NRXN3: variants seen among roughly 807,000 people sequenced by gnomAD.
NRXN3 encodes the protein neurexin 3.
Under a neutral mutation model 137.6 loss-of-function variants are expected in NRXN3, and 32 were observed. The ratio of observed to expected loss-of-function variants is 0.23; its 90% CI spans 0.18 to 0.31. The LOEUF (loss-of-function observed/expected upper bound fraction) is 0.31, where lower values mean the gene tolerates loss of function less well. Ranked by LOEUF, NRXN3 falls within the 10% of genes least tolerant of loss-of-function variation. The probability of loss-of-function intolerance (pLI) is 1.00; values close to 1 mark genes in which losing one functional copy is unlikely to be tolerated. For missense variants in NRXN3, 1,574 were observed against 2,062.5 expected, an observed-to-expected ratio of 0.76 and a Z score of 4.59; for synonymous variants, 798 against 784.5, an observed-to-expected ratio of 1.02 and a Z score of -0.29.
intron 4 of NRXN3, among the ~76,000 whole-genome samples, chr14:78,533,282 C>T (rs940263871): frequency 1.1e-4 from 17 of 151,952 alleles, no homozygotes; most frequent in Middle Eastern, 3.4e-3. Context: ...GACAGGGTTT[C>T]GCCACATTGG....
intron 15 of NRXN3, among the ~76,000 whole-genome samples, chr14:79,055,084 C>T (rs1207588838): frequency 7.2e-5 from 11 of 152,272 alleles, no homozygotes; most frequent in African/African-American, 2.4e-4. Flanking sequence ...TTACTCTGGG[C>T]TCCTTCTGTT....
At chr14:78,317,355 C>T (rs1473371944) in intron 4 of NRXN3, among the ~76,000 whole-genome samples, 5 of 152,162 alleles carry the variant, frequency 3.3e-5, no homozygotes, top group Admixed American at 1.3e-4. Flanking sequence ...CGCCTAAGTT[C>T]CGCCTCCTGT....
At chr14:78,629,036 T>C (rs2097494949) in intron 4 of NRXN3, among the ~76,000 whole-genome samples, 1 of 152,180 alleles carries the variant, frequency 6.6e-6, no homozygotes, top group African/African-American at 2.4e-5. Flanking sequence ...AAATAGGTTG[T>C]TGTGAAGATT....
chr14:79,205,377 C>T (rs2066643968), intron 15 of NRXN3, among the ~76,000 whole-genome samples: 1 of 152,108 alleles, frequency 6.6e-6, no homozygotes, highest in South Asian at 2.1e-4. Context: ...ACAACAGATA[C>T]ACCAGCAAAG....
At chr14:78,363,356 C>T (rs1276236462) in intron 4 of NRXN3, among the ~76,000 whole-genome samples, 1 of 152,108 alleles carries the variant, frequency 6.6e-6, no homozygotes, top group African/African-American at 2.4e-5. Context: ...ATGGGCTAAG[C>T]AAGGGCAAAA....
intron 1 of NRXN3, among the ~76,000 whole-genome samples, chr14:78,229,819 C>A (rs2065143204): frequency 6.6e-6 from 1 of 152,096 alleles, no homozygotes; most frequent in South Asian, 2.1e-4. Context: ...TTTATGTCTT[C>A]CTACAGGACA....
chr14:79,412,322 G>C (rs1267797727), intron 15 of NRXN3, among the ~76,000 whole-genome samples: 1 of 152,106 alleles, frequency 6.6e-6, no homozygotes, highest in Non-Finnish European at 1.5e-5. Context: ...TGGATTAGTG[G>C]GGGCCCTTTC....
chr14:78,493,846 A>G (rs11851333), intron 4 of NRXN3, among the ~76,000 whole-genome samples: 80,064 of 152,100 alleles, frequency 0.53, 21,461 homozygotes, highest in Middle Eastern at 0.71. Context: ...GCTAATATAA[A>G]ACAAAACCTA....
intron 15 of NRXN3, among the ~76,000 whole-genome samples, chr14:79,396,874 C>T (rs529390386): frequency 8.5e-5 from 13 of 152,146 alleles, no homozygotes; most frequent in South Asian, 2.1e-4. Flanking sequence ...CACTTTCATA[C>T]GACTATCCCT....
At chr14:78,934,736 C>A (rs551932100) in intron 10 of NRXN3, among the ~76,000 whole-genome samples, 66 of 151,916 alleles carry the variant, frequency 4.3e-4, no homozygotes, top group Non-Finnish European at 8.1e-4. Context: ...TGCATGTTCT[C>A]ACTCATAGGT....
At chr14:78,289,468 T>G (rs961563025) in intron 3 of NRXN3, among the ~76,000 whole-genome samples, 1 of 152,126 alleles carries the variant, frequency 6.6e-6, no homozygotes, top group South Asian at 2.1e-4. Flanking sequence ...AATCTTAGAG[T>G]TGGGAGGACT....
chr14:79,695,616 G>A (rs888179274), intron 18 of NRXN3, among the ~76,000 whole-genome samples: 4 of 141,450 alleles, frequency 2.8e-5, no homozygotes, highest in Non-Finnish European at 6.1e-5. Flanking sequence ...CATGTCTTTT[G>A]TAGTAAGCTC....
intron 19 of NRXN3, among the ~76,000 whole-genome samples, chr14:79,790,825 T>TG (rs977389454): frequency 6.6e-6 from 1 of 152,032 alleles, no homozygotes; most frequent in Non-Finnish European, 1.5e-5. Context: ...TTCACCATCT[T>TG]GGCCAGGTGG....
intron 10 of NRXN3, among the ~76,000 whole-genome samples, chr14:78,816,291 G>A (rs1162988679): frequency 1.3e-5 from 2 of 152,038 alleles, no homozygotes; most frequent in Non-Finnish European, 2.9e-5. Context: ...TTTCCCAAAG[G>A]CAACCAAATT....
intron 4 of NRXN3, among the ~76,000 whole-genome samples, chr14:78,611,531 A>G (rs2097301122): frequency 6.6e-6 from 1 of 152,140 alleles, no homozygotes; most frequent in African/African-American, 2.4e-5. Flanking sequence ...AGCACATTCA[A>G]ATACATTGCT....
At chr14:79,796,759 G>A (rs1458598438) in intron 19 of NRXN3, among the ~76,000 whole-genome samples, 2 of 152,164 alleles carry the variant, frequency 1.3e-5, no homozygotes, top group African/African-American at 4.8e-5. Context: ...ATGCATTGTG[G>A]AAAAGAAGAA....
chr14:78,299,104 A>AGTGGT (rs1286557580), intron 4 of NRXN3, among the ~76,000 whole-genome samples: 1 of 152,198 alleles, frequency 6.6e-6, no homozygotes, highest in Non-Finnish European at 1.5e-5. Context: ...AGCCAAGATC[A>AGTGGT]GTGGTGTGGA....
chr14:78,898,881 A>C (rs761075166), intron 10 of NRXN3, among the ~76,000 whole-genome samples: 4 of 152,072 alleles, frequency 2.6e-5, no homozygotes, highest in African/African-American at 4.8e-5. Context: ...TTATAGCACA[A>C]ATGATTTTAC....
rs1469451900 is a variant in NRXN3, at chr14:79,863,384, A to G, written c.*1420A>G. The G allele has an allele frequency of 6.6e-6, 1 of 151,788 alleles. No individual in the cohort carries two copies. The highest frequency in any genetic ancestry group is 1.5e-5 in the Non-Finnish European group (1 of 67,870). 9.4% of individuals were successfully genotyped at this position (151,788 alleles called of 1,614,324 possible). On this transcript the variant is annotated 3_prime_UTR_variant, in exon 21 of 21. Coordinates refer to ENST00000335750, the MANE Select transcript of NRXN3 (RefSeq NM_001330195.2). Reference sequence around the variant, plus strand: ...TTTGATGGGATGACTGACACAGGAAATCTGTTAAAGTCTTAAAATGGAATG... The same window carrying G: ...TTTGATGGGATGACTGACACAGGAAGTCTGTTAAAGTCTTAAAATGGAATG...
Sources: allele counts gnomAD v4.1 joint callset (sites outside exome capture counted in the v4.1 genomes callset), GRCh38; gene constraint gnomAD v4.1.1; transcripts MANE v1.5; gene names NCBI Gene and HGNC (gene_info 2026-07-23, HGNC 2026-07-21).